Variants in CREB1 observed in about 807,000 individuals in gnomAD.
CREB1 encodes the protein cAMP responsive element binding protein 1.
CREB1 carries 2 observed loss-of-function variants against 42.0 expected under a neutral mutation model. The ratio of observed to expected loss-of-function variants is 0.05; its 90% CI spans 0.02 to 0.15. The LOEUF is 0.15. Ranked by LOEUF, CREB1 falls within the 10% of genes least tolerant of loss-of-function variation. The pLI is 1.00. For missense variants in CREB1, 199 were observed against 388.9 expected (o/e 0.51, Z 4.11); for synonymous variants, 123 against 139.9 (o/e 0.88, Z 0.85).
rs151332589 is a variant in CREB1, at chr2:207,577,388, C to G, written c.689-117C>G. The G allele has an allele frequency of 8.9e-3, 11,943 of 1,342,910 alleles. 60 individuals carry two copies. Among genetic ancestry groups the G allele is most frequent in the Non-Finnish European group, 0.01 (10,381 of 991,448 alleles). The allele number at this position is 1,342,910 out of a possible 1,614,324, so 83.2% of individuals were successfully genotyped here. On this transcript the variant is annotated intron_variant, in intron 6 of 7. Transcript: ENST00000353267. Reference sequence around the variant, plus strand: ...CTTTCAACGCTTTAGCCAGAATCATCTTTTCTTTTTTGTTTCCCTTTTAGT... The same window carrying G: ...CTTTCAACGCTTTAGCCAGAATCATGTTTTCTTTTTTGTTTCCCTTTTAGT...
chr2:207,570,411 A>G (rs2082311249), intron 5 of CREB1, 90 bp downstream of exon 5: 2 of 1,266,230 alleles, frequency 1.6e-6, no homozygotes, highest in East Asian at 2.5e-5. Context: ...AGAAACCAAT[A>G]CAAGTGCCAA....
chr2:207,567,385 G>A, intron 3 of CREB1, 78 bp from the exon 4 acceptor site: 1 of 1,003,102 alleles, frequency 1.0e-6, no homozygotes, highest in Non-Finnish European at 1.5e-6. Context: ...GTTTATATAT[G>A]ACTTTTTATA....
chr2:207,559,259 A>G (rs770088857), intron 2 of CREB1: 8 of 966,818 alleles, frequency 8.3e-6, no homozygotes, highest in Non-Finnish European at 9.8e-6. Flanking sequence ...CTTCCCTGTA[A>G]GTAATAATAA....
intron 1 of CREB1, among the ~76,000 whole-genome samples, chr2:207,539,273 C>G (rs925828983): frequency 2.7e-5 from 4 of 148,456 alleles, no homozygotes; most frequent in African/African-American, 1.0e-4. Flanking sequence ...AAGCTGGTCT[C>G]GAACTCCTGA....
chr2:207,533,054 T>C (rs2080717945), intron 1 of CREB1, among the ~76,000 whole-genome samples: 1 of 152,150 alleles, frequency 6.6e-6, no homozygotes, highest in African/African-American at 2.4e-5. Flanking sequence ...GTTCCAGCCA[T>C]GGATAAAAAT....
chr2:207,533,961 A>G lies in CREB1; in HGVS notation c.-9+3827A>G, dbSNP rs144886106. 1.3e-3 allele frequency among the ~76,000 whole-genome samples: 200 copies of G among 152,336 alleles called. 2 individuals are homozygous for G. The East Asian group carries it at 0.014, about 11-fold the overall frequency. On this transcript the variant is annotated intron_variant, in intron 1 of 7. Coordinates refer to ENST00000353267, the MANE Select transcript of CREB1 (RefSeq NM_004379.5). ...CAGCCTCAGTTTCCTTATATGTAAA[A>G]TTAGAATACTACTACTTATTTCATA...
In CREB1 at chr2:207,604,380, CG is replaced by C. The variant is rs1262073743; in HGVS notation, c.*7323del. ...CTTCCTTCCGCTGGTTTTTCCATCT[CG>C]TAAGTGGTGCCACTATCCATCTGTT... On this transcript the variant is annotated 3_prime_UTR_variant, in exon 8 of 8. Coordinates refer to ENST00000353267, the MANE Select transcript of CREB1 (RefSeq NM_004379.5). Among the ~76,000 whole-genome samples, 1 of 152,142 alleles carries C rather than the reference CG, an allele frequency of 6.6e-6. No homozygotes were observed. Among genetic ancestry groups the C allele is most frequent in the Non-Finnish European group, 1.5e-5 (1 of 68,026 alleles).
At chr2:207,582,048 A>G (rs2083031520) in intron 7 of CREB1, 2 of 700,296 alleles carry the variant, frequency 2.9e-6, no homozygotes, top group Non-Finnish European at 5.2e-6. Flanking sequence ...ATAATTGGCG[A>G]TATTAACTTT....
intron 1 of CREB1, among the ~76,000 whole-genome samples, chr2:207,553,985 A>G (rs1046782943): frequency 1.3e-5 from 2 of 152,164 alleles, no homozygotes; most frequent in African/African-American, 4.8e-5. Context: ...CATGGTTACA[A>G]TTTTGTAATG....
intron 1 of CREB1, among the ~76,000 whole-genome samples, chr2:207,539,350 T>G (rs1454404127): frequency 1.3e-5 from 2 of 152,074 alleles, no homozygotes; most frequent in East Asian, 3.9e-4. Context: ...GCCCTATTTG[T>G]ACTCTTAAAG....
At position 207,605,941 on chromosome 2, in the gene CREB1, T is replaced by C. The variant is rs1003132334; in HGVS notation, c.*8883T>C. Among the ~76,000 whole-genome samples, 2 of 152,264 alleles carry C rather than the reference T, an allele frequency of 1.3e-5. No homozygotes were observed. The highest frequency in any genetic ancestry group is 2.4e-5 in the African/African-American group (1 of 41,474). On this transcript the variant is annotated 3_prime_UTR_variant, in exon 8 of 8. Transcript: ENST00000353267. The stretch of plus-strand genomic sequence containing the variant: ...TGATTACTATTTTTATGTCAAACTT[T>C]ACAGTCTAGGCATTTTTTTCTGGAA...
At chr2:207,545,841 C>A (rs939392790) in intron 1 of CREB1, among the ~76,000 whole-genome samples, 1 of 151,358 alleles carries the variant, frequency 6.6e-6, no homozygotes, top group Admixed American at 6.6e-5. Context: ...TCAAGCGATT[C>A]TCCTGCCTCA....
intron 1 of CREB1, among the ~76,000 whole-genome samples, chr2:207,539,340 G>A (rs1381962515): frequency 1.3e-5 from 2 of 151,394 alleles, no homozygotes; most frequent in Non-Finnish European, 2.9e-5. Flanking sequence ...ACCGCCCCCA[G>A]CCCTATTTGT....
chr2:207,534,992 A>AT (rs2106337166), intron 1 of CREB1, among the ~76,000 whole-genome samples: 1 of 152,252 alleles, frequency 6.6e-6, no homozygotes, highest in East Asian at 1.9e-4. Context: ...GAGCTTCTTC[A>AT]TTTTTTAACA....
intron 7 of CREB1, among the ~76,000 whole-genome samples, chr2:207,593,719 CTT>C (rs5838079): frequency 2.9e-3 from 295 of 102,640 alleles, no homozygotes; most frequent in Middle Eastern, 4.9e-3. Flanking sequence ...TCCTCACAAA[CTT>C]TTTTTTTTTT....
At chr2:207,577,727 T>C (rs779110068) in intron 7 of CREB1, 72 bp downstream of exon 7, 5 of 1,549,738 alleles carry the variant, frequency 3.2e-6, no homozygotes, top group African/African-American at 2.7e-5. Flanking sequence ...TGTGTATCTT[T>C]ACATCTACTG....
intron 3 of CREB1, among the ~76,000 whole-genome samples, chr2:207,566,183 A>T (rs2082131614): frequency 6.6e-6 from 1 of 152,206 alleles, no homozygotes; most frequent in Non-Finnish European, 1.5e-5. Flanking sequence ...GTTTCATTTT[A>T]AATGAGCATG....
chr2:207,592,028 ATCT>A (rs1339576688), intron 7 of CREB1, among the ~76,000 whole-genome samples: 2 of 152,192 alleles, frequency 1.3e-5, no homozygotes, highest in East Asian at 1.9e-4. Flanking sequence ...TAGAAAATAG[ATCT>A]TCTGGCAATG....
At chr2:207,540,288 T>C (rs571374819) in intron 1 of CREB1, among the ~76,000 whole-genome samples, 2 of 152,310 alleles carry the variant, frequency 1.3e-5, no homozygotes, top group African/African-American at 4.8e-5. Context: ...GGCTGTGATG[T>C]TGACAATCTT....
Sources: gnomAD v4.1 joint callset for allele counts (sites outside exome capture counted in the v4.1 genomes callset) on GRCh38, gnomAD v4.1.1 for gene constraint, MANE v1.5 for transcripts, NCBI Gene and HGNC (gene_info 2026-07-23, HGNC 2026-07-21) for gene names.